The following ZCCHC7 variants were observed in gnomAD, a reference collection of about 807,000 sequenced individuals.
The protein encoded by ZCCHC7 is zinc finger CCHC-type containing 7, also known as zinc finger CCHC domain-containing protein 7.
In ZCCHC7, 35 loss-of-function variants were observed where a neutral mutation model predicts 52.0. The observed-to-expected ratio is 0.67, with a 90% CI of 0.51 to 0.89. The LOEUF is 0.89. Among genes scored for constraint, ZCCHC7 ranks in the 40% least tolerant of loss-of-function variants. The pLI, the probability that ZCCHC7 is intolerant of heterozygous loss-of-function variation, is 0.00. For synonymous variants in ZCCHC7, 217 were observed against 221.5 expected, an observed-to-expected ratio of 0.98 and a Z score of 0.18; for missense variants, 574 against 649.1, an observed-to-expected ratio of 0.88 and a Z score of 1.26.
intron 2 of ZCCHC7, among the ~76,000 whole-genome samples, chr9:37,256,796 C>T (rs957926981): frequency 2.0e-4 from 30 of 152,122 alleles, no homozygotes; most frequent in African/African-American, 7.2e-4. Flanking sequence ...TTTTAGGAAA[C>T]TATCACCTGT....
intron 6 of ZCCHC7, among the ~76,000 whole-genome samples, chr9:37,330,851 A>G (rs1468073417): frequency 1.3e-5 from 2 of 151,536 alleles, no homozygotes; most frequent in African/African-American, 4.8e-5. Context: ...CTAGGCCAAT[A>G]TGGCCACCAA....
chr9:37,211,143 G>C (rs956828357), intron 2 of ZCCHC7, among the ~76,000 whole-genome samples: 1 of 152,218 alleles, frequency 6.6e-6, no homozygotes, highest in Non-Finnish European at 1.5e-5. Flanking sequence ...TGGGAATTAA[G>C]TGTTTCGCAT....
chr9:37,283,593 T>C (rs897251036), intron 2 of ZCCHC7, among the ~76,000 whole-genome samples: 2 of 152,204 alleles, frequency 1.3e-5, no homozygotes, highest in African/African-American at 4.8e-5. Flanking sequence ...AATATACTTT[T>C]ATTTGAAAAT....
intron 6 of ZCCHC7, among the ~76,000 whole-genome samples, chr9:37,332,853 C>T (rs964860679): frequency 1.3e-5 from 2 of 151,464 alleles, no homozygotes; most frequent in African/African-American, 4.8e-5. Context: ...GTTATTTTTC[C>T]TCACATAACA....
intron 2 of ZCCHC7, among the ~76,000 whole-genome samples, chr9:37,237,377 G>T (rs973465789): frequency 4.6e-5 from 7 of 152,088 alleles, no homozygotes; most frequent in South Asian, 2.1e-4. Context: ...AAGACTTAAG[G>T]TTTCATGAAT....
At chr9:37,249,940 T>C (rs190684397) in intron 2 of ZCCHC7, among the ~76,000 whole-genome samples, 1 of 152,324 alleles carries the variant, frequency 6.6e-6, no homozygotes, top group East Asian at 1.9e-4. Context: ...TCCACCGCTC[T>C]TCCTGCCTAA....
intron 2 of ZCCHC7, among the ~76,000 whole-genome samples, chr9:37,227,807 T>C (rs182700719): frequency 3.3e-4 from 51 of 152,284 alleles, no homozygotes; most frequent in African/African-American, 1.2e-3. Flanking sequence ...TTTTTCTCTT[T>C]TCTTTTCTTT....
At chr9:37,300,013 C>G (rs979660521) in intron 2 of ZCCHC7, among the ~76,000 whole-genome samples, 1 of 152,122 alleles carries the variant, frequency 6.6e-6, no homozygotes, top group African/African-American at 2.4e-5. Flanking sequence ...ACAGGGCTGA[C>G]GGGAACTTGA....
intron 2 of ZCCHC7, among the ~76,000 whole-genome samples, chr9:37,185,023 T>C (rs990774468): frequency 6.6e-6 from 1 of 152,184 alleles, no homozygotes; most frequent in Non-Finnish European, 1.5e-5. Flanking sequence ...GATGTGCCTA[T>C]TGGAACTTGC....
intron 2 of ZCCHC7, among the ~76,000 whole-genome samples, chr9:37,208,739 T>G (rs1824053538): frequency 1.3e-5 from 2 of 152,222 alleles, no homozygotes; most frequent in African/African-American, 4.8e-5. Flanking sequence ...TTCACCATTA[T>G]CATAGTTTGA....
chr9:37,190,854 A>G (rs1281740943), intron 2 of ZCCHC7, among the ~76,000 whole-genome samples: 3 of 152,034 alleles, frequency 2.0e-5, no homozygotes, highest in Non-Finnish European at 4.4e-5. Flanking sequence ...CCCTGTCTCT[A>G]CTAAAAAAAA....
chr9:37,177,977 A>G (rs887990823), intron 2 of ZCCHC7, among the ~76,000 whole-genome samples: 13 of 152,218 alleles, frequency 8.5e-5, no homozygotes, highest in African/African-American at 3.1e-4. Context: ...GCTTCAGTTA[A>G]TAAGGTATCA....
chr9:37,347,235 C>T (rs1311400849), intron 6 of ZCCHC7, among the ~76,000 whole-genome samples: 1 of 152,172 alleles, frequency 6.6e-6, no homozygotes, highest in Non-Finnish European at 1.5e-5. Context: ...CATTATCTTT[C>T]CCAGATGTTC....
intron 2 of ZCCHC7, among the ~76,000 whole-genome samples, chr9:37,197,920 G>A (rs1564172860): frequency 1.3e-5 from 2 of 152,136 alleles, no homozygotes; most frequent in African/African-American, 4.8e-5. Context: ...TGTTGGCACT[G>A]TCATCATGAA....
At chr9:37,160,333 G>A (rs562783468) in intron 2 of ZCCHC7, 34 of 152,264 alleles carry the variant, frequency 2.2e-4, no homozygotes, top group African/African-American at 8.2e-4. Context: ...AACATAGCGA[G>A]ACTTCATCTC....
intron 2 of ZCCHC7, among the ~76,000 whole-genome samples, chr9:37,142,637 CTGT>C (rs1467986029): frequency 6.6e-6 from 1 of 151,678 alleles, no homozygotes; most frequent in Non-Finnish European, 1.5e-5. Flanking sequence ...GTCTAATTAG[CTGT>C]TGTTTGTCCA....
rs949927705 is a variant in ZCCHC7 at position 37,327,851 on chromosome 9, T to G, written c.987+17T>G. ...CACCTAACGGTGAGTAGAAACACCT[T>G]TTTTATTTTCCCCAAGACCTAGCCT... On this transcript the variant is annotated intron_variant, in intron 6 of 8. Coordinates refer to ENST00000336755, the MANE Select transcript of ZCCHC7 (RefSeq NM_032226.3). The G allele has an allele frequency of 1.2e-6, 2 of 1,612,548 alleles. No homozygotes were observed. Among genetic ancestry groups the G allele is most frequent in the Non-Finnish European group, 1.7e-6 (2 of 1,179,016 alleles).
chr9:37,253,743 C>T (rs1197078251), intron 2 of ZCCHC7, among the ~76,000 whole-genome samples: 1 of 151,892 alleles, frequency 6.6e-6, no homozygotes, highest in African/African-American at 2.4e-5. Flanking sequence ...CATGTCATCA[C>T]AACATAGATT....
At chr9:37,335,611 T>C (rs1323089039) in intron 6 of ZCCHC7, among the ~76,000 whole-genome samples, 2 of 152,140 alleles carry the variant, frequency 1.3e-5, no homozygotes, top group African/African-American at 4.8e-5. Context: ...CCTGTGGAGA[T>C]GGCCTCTGGA....
Sources: allele counts gnomAD v4.1 joint callset (sites outside exome capture counted in the v4.1 genomes callset), GRCh38; gene constraint gnomAD v4.1.1; transcripts MANE v1.5; gene names NCBI Gene and HGNC (gene_info 2026-07-23, HGNC 2026-07-21).